The following NPAS3 variants were observed in gnomAD, a reference collection of about 807,000 sequenced individuals.
NPAS3 encodes neuronal PAS domain-containing protein 3.
NPAS3 carries 14 observed loss-of-function variants against 73.1 expected under a neutral mutation model. The ratio of observed to expected loss-of-function variants is 0.19; its 90% CI spans 0.13 to 0.30. The LOEUF is 0.30. Among genes scored for constraint, NPAS3 ranks in the 10% least tolerant of loss-of-function variants. NPAS3 has a pLI of 1.00. For synonymous variants in NPAS3, 620 were observed against 541.5 expected (o/e 1.14, Z -2.01); for missense variants, 1,096 against 1,250.0 (o/e 0.88, Z 1.86).
At chr14:33,001,360 G>A (rs978695437) in intron 1 of NPAS3, among the ~76,000 whole-genome samples, 12 of 152,178 alleles carry the variant, frequency 7.9e-5, no homozygotes, top group African/African-American at 2.9e-4. Context: ...GGTAATGTAG[G>A]TGGGTGCCTC....
chr14:33,691,734 G>A (rs922913794), intron 6 of NPAS3, among the ~76,000 whole-genome samples: 3 of 152,150 alleles, frequency 2.0e-5, no homozygotes, highest in African/African-American at 4.8e-5. Context: ...AAACCTTCCC[G>A]TTTTTCCACT....
At chr14:32,975,214 A>G (rs891794876) in intron 1 of NPAS3, among the ~76,000 whole-genome samples, 4 of 151,362 alleles carry the variant, frequency 2.6e-5, no homozygotes, top group Non-Finnish European at 5.9e-5. Flanking sequence ...GAGAACTTGC[A>G]TTAACAGTTG....
intron 5 of NPAS3, among the ~76,000 whole-genome samples, chr14:33,652,154 G>T (rs974029459): frequency 1.3e-5 from 2 of 152,166 alleles, no homozygotes; most frequent in Non-Finnish European, 2.9e-5. Context: ...AAAACTGTGA[G>T]TCACTGTGAA....
intron 1 of NPAS3, among the ~76,000 whole-genome samples, chr14:32,974,723 C>T (rs1454938089): frequency 6.6e-6 from 1 of 152,044 alleles, no homozygotes; most frequent in Admixed American, 6.6e-5. Flanking sequence ...ACCTGGAGGT[C>T]CAGCCACTTT....
intron 4 of NPAS3, among the ~76,000 whole-genome samples, chr14:33,520,958 T>C (rs544514573): frequency 6.6e-6 from 1 of 152,324 alleles, no homozygotes; most frequent in South Asian, 2.1e-4. Context: ...TTTACCTTTA[T>C]ACATTTTACC....
rs931858384 is a variant in NPAS3, at chr14:33,759,247, A to G, written c.853-15090A>G. ...TAGCAGTCCTCCAGCAGCTATGGGGAGAAGGTCATTGCTTTGGGAAAGTGT... is the reference window on the plus strand; with the variant it reads ...TAGCAGTCCTCCAGCAGCTATGGGGGGAAGGTCATTGCTTTGGGAAAGTGT... On this transcript the variant is annotated intron_variant, in intron 7 of 11. Transcript: ENST00000356141. 2.6e-5 allele frequency among the ~76,000 whole-genome samples: 4 copies of G among 152,162 alleles called. No homozygotes were observed. The East Asian group carries it at 7.7e-4, about 29-fold the overall frequency.
chr14:33,696,449 G>T (rs1040645572), intron 6 of NPAS3, among the ~76,000 whole-genome samples: 2 of 152,154 alleles, frequency 1.3e-5, no homozygotes, highest in Admixed American at 6.5e-5. Flanking sequence ...TAATAAACAC[G>T]AGAGTGCTTC....
At chr14:33,123,228 G>A (rs1432952116) in intron 2 of NPAS3, among the ~76,000 whole-genome samples, 1 of 152,026 alleles carries the variant, frequency 6.6e-6, no homozygotes, top group South Asian at 2.1e-4. Context: ...ATCATGTTTA[G>A]ATCATCACGG....
intron 7 of NPAS3, among the ~76,000 whole-genome samples, chr14:33,770,831 C>T (rs548207688): frequency 2.0e-5 from 3 of 151,318 alleles, no homozygotes; most frequent in African/African-American, 4.9e-5. Context: ...ACCTGGGAGA[C>T]GGTGGTTGCA....
intron 4 of NPAS3, among the ~76,000 whole-genome samples, chr14:33,536,063 G>C (rs2054248510): frequency 6.6e-6 from 1 of 152,142 alleles, no homozygotes; most frequent in African/African-American, 2.4e-5. Context: ...CTAAACAGCT[G>C]AGCTAACCCC....
intron 5 of NPAS3, among the ~76,000 whole-genome samples, chr14:33,591,737 C>T (rs1223236699): frequency 6.6e-6 from 1 of 152,192 alleles, no homozygotes; most frequent in Admixed American, 6.5e-5. Flanking sequence ...TACCTAAGCA[C>T]AGTCAAATCT....
At chr14:33,169,298 T>C (rs1178897241) in intron 2 of NPAS3, among the ~76,000 whole-genome samples, 1 of 152,232 alleles carries the variant, frequency 6.6e-6, no homozygotes, top group East Asian at 1.9e-4. Flanking sequence ...CCGGGCACGA[T>C]GGCTCATGCC....
intron 5 of NPAS3, among the ~76,000 whole-genome samples, chr14:33,662,082 G>C (rs1416848407): frequency 6.6e-6 from 1 of 152,194 alleles, no homozygotes; most frequent in South Asian, 2.1e-4. Flanking sequence ...ATGTATCAGT[G>C]CTCTCTTATG....
At chr14:33,021,500 G>A (rs2039595074) in intron 1 of NPAS3, among the ~76,000 whole-genome samples, 1 of 152,088 alleles carries the variant, frequency 6.6e-6, no homozygotes, top group South Asian at 2.1e-4. Context: ...GTCAAAACCA[G>A]CCTACAGACA....
intron 6 of NPAS3, among the ~76,000 whole-genome samples, chr14:33,733,295 A>G (rs750996927): frequency 5.3e-5 from 8 of 151,284 alleles, no homozygotes; most frequent in Middle Eastern, 3.4e-3. Context: ...CCTTAAATGT[A>G]TAATCTGTCC....
In NPAS3 at chr14:33,487,692, C is replaced by T. The variant is rs17101341; in HGVS notation, c.469-72429C>T. ...TAAGCAAGGAACATCTAGGTTCTAT[C>T]ATACAGCCAGCAAAGTAAGCTTTTC... On this transcript the variant is annotated intron_variant, in intron 4 of 11. Coordinates refer to ENST00000356141, the Ensembl canonical transcript of NPAS3. Among the ~76,000 whole-genome samples, 1,270 of 152,270 alleles carry T rather than the reference C, an allele frequency of 8.3e-3. 12 individuals are homozygous for T. Among genetic ancestry groups the T allele is most frequent in the African/African-American group, 0.028 (1,177 of 41,552 alleles).
chr14:32,959,178 C>G (rs1055238521), intron 1 of NPAS3, among the ~76,000 whole-genome samples: 1 of 152,192 alleles, frequency 6.6e-6, no homozygotes, highest in African/African-American at 2.4e-5. Flanking sequence ...TTTAGACACA[C>G]TATTTGCTTA....
intron 5 of NPAS3, among the ~76,000 whole-genome samples, chr14:33,666,743 TTTAA>T (rs1280583890): frequency 1.3e-5 from 2 of 152,238 alleles, no homozygotes; most frequent in Admixed American, 1.3e-4. Flanking sequence ...CTATGTTTCT[TTTAA>T]TTAATTCCTA....
At chr14:33,188,759 C>T (rs2046068937) in intron 2 of NPAS3, among the ~76,000 whole-genome samples, 1 of 152,008 alleles carries the variant, frequency 6.6e-6, no homozygotes, top group Non-Finnish European at 1.5e-5. Flanking sequence ...CTATCATTTC[C>T]CAATCTTCAG....
Sources: allele counts gnomAD v4.1 joint callset (sites outside exome capture counted in the v4.1 genomes callset), GRCh38; gene constraint gnomAD v4.1.1; transcripts MANE v1.5; gene names NCBI Gene and HGNC (gene_info 2026-07-23, HGNC 2026-07-21).